The following ARHGAP10 variants were observed in gnomAD, a reference collection of about 807,000 sequenced individuals.
The protein encoded by ARHGAP10 is rho GTPase-activating protein 10.
A neutral mutation model predicts 108.6 loss-of-function variants in ARHGAP10; 87 were observed. That is an observed-to-expected ratio of 0.80 (90% confidence interval 0.67 to 0.96). The LOEUF (loss-of-function observed/expected upper bound fraction) is 0.96. Ranked by LOEUF, ARHGAP10 falls within the 40% of genes least tolerant of loss-of-function variation. The pLI, the probability that ARHGAP10 is intolerant of heterozygous loss-of-function variation, is 0.00. For synonymous variants in ARHGAP10, 347 were observed against 341.1 expected, an observed-to-expected ratio of 1.02 and a Z score of -0.19; for missense variants, 939 against 954.5, an observed-to-expected ratio of 0.98 and a Z score of 0.21.
At chr4:147,977,282 C>T (rs576424669) in intron 18 of ARHGAP10, among the ~76,000 whole-genome samples, 19 of 152,168 alleles carry the variant, frequency 1.2e-4, no homozygotes, top group African/African-American at 4.3e-4. Flanking sequence ...AATGAGAGGG[C>T]GAGTGTGGTG....
At chr4:147,765,428 T>TA (rs1380259458) in intron 1 of ARHGAP10, among the ~76,000 whole-genome samples, 4 of 151,998 alleles carry the variant, frequency 2.6e-5, no homozygotes, top group African/African-American at 9.7e-5. Flanking sequence ...TCTATTGTGT[T>TA]ACGTCTTCTG....
intron 12 of ARHGAP10, among the ~76,000 whole-genome samples, chr4:147,910,904 C>T (rs1736702310): frequency 6.6e-6 from 1 of 152,086 alleles, no homozygotes; most frequent in Non-Finnish European, 1.5e-5. Context: ...ATGCCACAAG[C>T]AGCACATCCC....
At chr4:148,031,317 T>G (rs1728139832) in intron 19 of ARHGAP10, among the ~76,000 whole-genome samples, 1 of 152,240 alleles carries the variant, frequency 6.6e-6, no homozygotes. Flanking sequence ...TGAACAGTTA[T>G]GTATTAGCAT....
intron 10 of ARHGAP10, among the ~76,000 whole-genome samples, chr4:147,883,788 G>T (rs1003425340): frequency 6.6e-6 from 1 of 151,612 alleles, no homozygotes; most frequent in Non-Finnish European, 1.5e-5. Context: ...TCTGCCTCCC[G>T]GGCTCAAGTG....
intron 3 of ARHGAP10, among the ~76,000 whole-genome samples, chr4:147,829,055 ATT>A (rs70958587): frequency 3.2e-3 from 443 of 136,344 alleles, no homozygotes; most frequent in East Asian, 3.6e-3. Flanking sequence ...ATTTTTTTGT[ATT>A]TTTTTTTTTT....
At chr4:148,006,859 G>C (rs904694613) in intron 18 of ARHGAP10, among the ~76,000 whole-genome samples, 1 of 152,132 alleles carries the variant, frequency 6.6e-6, no homozygotes, top group Non-Finnish European at 1.5e-5. Context: ...CCATGGCTAA[G>C]ATTTCCATGC....
rs567171502 is a variant in ARHGAP10, at chr4:147,793,167, T to C, written c.155-29560T>C. ...AAAAGAAAATGTGTGTGTATGTATG[T>C]GTGTGTGTGTGTGCATATATGTGTG... On this transcript the variant is annotated intron_variant, in intron 1 of 22. Coordinates refer to ENST00000336498, the MANE Select transcript of ARHGAP10 (RefSeq NM_024605.4). Among the ~76,000 whole-genome samples, 4 of 151,214 alleles carry C rather than the reference T, an allele frequency of 2.6e-5. No individual in the cohort carries two copies. In the East Asian group the frequency reaches 5.8e-4, roughly 22 times the overall value.
chr4:147,869,738 G>A lies in ARHGAP10; in HGVS notation c.702+2922G>A, dbSNP rs901349294. ...CTTACAACTCAGAGTTTCTCTCTGC[G>A]TCACCTTCAGTATTGAGAACACCTG... On this transcript the variant is annotated intron_variant, in intron 7 of 22. Transcript: ENST00000336498. Among the ~76,000 whole-genome samples the A allele has an allele frequency of 4.6e-5, 7 of 150,716 alleles. No individual in the cohort carries two copies. The East Asian group carries it at 5.8e-4, about 13-fold the overall frequency.
intron 13 of ARHGAP10, among the ~76,000 whole-genome samples, chr4:147,919,414 T>C (rs1228266590): frequency 6.6e-6 from 1 of 152,206 alleles, no homozygotes; most frequent in African/African-American, 2.4e-5. Context: ...CATCAACTCG[T>C]CTTTCATCCG....
At chr4:147,933,378 G>A (rs151043884) in intron 13 of ARHGAP10, among the ~76,000 whole-genome samples, 42 of 152,266 alleles carry the variant, frequency 2.8e-4, no homozygotes, top group African/African-American at 9.1e-4. Context: ...ACAGGCACTC[G>A]CCACTGTGCC....
chr4:147,732,352 G>A lies in ARHGAP10; in HGVS notation c.51G>A (p.Trp17Ter). Residue 17 changes from tryptophan (W) to a stop codon, truncating the protein, a stop_gained, in exon 1 of 23, where the codon TGG becomes TGA. Coordinates refer to ENST00000336498, the MANE Select transcript of ARHGAP10 (RefSeq NM_024605.4). LOFTEE classifies it high-confidence loss of function. ...EFSDCYLDSP[W>*]FRERIRAHEA... Reference sequence around the variant, plus strand: ...GCGACTGCTACCTCGACAGCCCGTGGTTCCGGGAGAGGATCCGCGCTCACG... The same window carrying A: ...GCGACTGCTACCTCGACAGCCCGTGATTCCGGGAGAGGATCCGCGCTCACG... 6.2e-7 allele frequency: 1 copy of A among 1,613,490 alleles called. No homozygotes were observed. Among genetic ancestry groups the A allele is most frequent in the Non-Finnish European group, 8.5e-7 (1 of 1,179,642 alleles).
intron 1 of ARHGAP10, among the ~76,000 whole-genome samples, chr4:147,763,513 T>C (rs1421269642): frequency 1.3e-5 from 2 of 152,034 alleles, no homozygotes; most frequent in Admixed American, 6.6e-5. Flanking sequence ...GGTTTCACCA[T>C]GTTGGACAGG....
chr4:147,865,006 G>A (rs768156732), intron 6 of ARHGAP10, 50 bp downstream of exon 6: 1 of 1,471,642 alleles, frequency 6.8e-7, no homozygotes, highest in South Asian at 1.2e-5. Flanking sequence ...TGTAAGATAA[G>A]TATTTATTTT....
At chr4:147,767,632 G>A (rs570909521) in intron 1 of ARHGAP10, among the ~76,000 whole-genome samples, 61 of 152,054 alleles carry the variant, frequency 4.0e-4, no homozygotes, top group Non-Finnish European at 7.8e-4. Context: ...TAGGAGGATC[G>A]CTTGAGTCTA....
intron 9 of ARHGAP10, among the ~76,000 whole-genome samples, chr4:147,880,067 A>T (rs1007497349): frequency 6.6e-6 from 1 of 152,242 alleles, no homozygotes; most frequent in Non-Finnish European, 1.5e-5. Flanking sequence ...CATGATAGTA[A>T]GAAAAGAGCA....
At chr4:147,830,872 A>T (rs1189403826) in intron 3 of ARHGAP10, among the ~76,000 whole-genome samples, 1 of 152,248 alleles carries the variant, frequency 6.6e-6, no homozygotes, top group Non-Finnish European at 1.5e-5. Flanking sequence ...AAAGTGTTTC[A>T]GAGTATTACT....
intron 16 of ARHGAP10, among the ~76,000 whole-genome samples, chr4:147,963,723 G>T (rs996610992): frequency 6.6e-6 from 1 of 152,166 alleles, no homozygotes; most frequent in African/African-American, 2.4e-5. Context: ...AAATCAAGAC[G>T]TTGGGAGGGC....
intron 1 of ARHGAP10, among the ~76,000 whole-genome samples, chr4:147,784,800 A>G (rs182658071): frequency 0.087 from 540 of 6,234 alleles, 142 homozygotes; most frequent in Non-Finnish European, 0.32. Context: ...TATATATTAT[A>G]AATATAATAT....
intron 13 of ARHGAP10, among the ~76,000 whole-genome samples, chr4:147,938,653 C>A (rs1738045165): frequency 6.6e-6 from 1 of 152,172 alleles, no homozygotes; most frequent in South Asian, 2.1e-4. Flanking sequence ...GTATTCTTTT[C>A]ATCACTCCGA....
Sources: gnomAD v4.1 joint callset for allele counts (sites outside exome capture counted in the v4.1 genomes callset) on GRCh38, gnomAD v4.1.1 for gene constraint, MANE v1.5 for transcripts, NCBI Gene and HGNC (gene_info 2026-07-23, HGNC 2026-07-21) for gene names.